CRLF2: variants seen among roughly 807,000 people sequenced by gnomAD.
CRLF2 encodes the protein cytokine receptor-like factor 2.
CRLF2 carries 41 observed loss-of-function variants against 38.7 expected under a neutral mutation model. That is an observed-to-expected ratio of 1.06 (90% CI 0.83 to 1.37). CRLF2 has a LOEUF of 1.37. Among genes scored for constraint, CRLF2 ranks in the 40% most tolerant of loss-of-function variants. CRLF2 has a pLI of 0.00. For missense variants in CRLF2, 377 were observed against 322.2 expected (o/e 1.17, Z -1.30); for synonymous variants, 140 against 128.8 (o/e 1.09, Z -0.59).
At chrX:1,211,256 G>GAT (rs1454583131) in intron 1 of CRLF2, among the ~76,000 whole-genome samples, 1 of 147,652 alleles carries the variant, frequency 6.8e-6, no homozygotes, top group East Asian at 2.0e-4. Flanking sequence ...TGGATGGATG[G>GAT]GTGGATGGAT....
chrX:1,192,216 A>AAAT (rs1318065074), intron 7 of CRLF2, among the ~76,000 whole-genome samples: 1 of 138,370 alleles, frequency 7.2e-6, no homozygotes, highest in Non-Finnish European at 1.6e-5. Context: ...AAAAAAAAAA[A>AAAT]AAAACAAAAA....
Position 1,204,988 on chromosome X carries a change from TTTTG to T in CRLF2, c.349+1441_349+1444del, listed in dbSNP as rs761640254. Among the ~76,000 whole-genome samples, 19 of 151,002 alleles carry T rather than the reference TTTTG, an allele frequency of 1.3e-4. 1 individual carries two copies. The highest frequency in any genetic ancestry group is 3.9e-4 in the African/African-American group (16 of 41,042). On this transcript the variant is annotated intron_variant, in intron 3 of 7. Transcript: ENST00000400841. ...GCATGCGCCACCAGCCCGGCTAATT[TTTTG>T]TTTGTTTGTTTGTTTGTAGAGATGG...
intron 5 of CRLF2, 60 bp from the exon 6 acceptor site, chrX:1,196,960 C>G: frequency 1.3e-6 from 2 of 1,518,268 alleles, no homozygotes; most frequent in Non-Finnish European, 1.8e-6. Flanking sequence ...TGTACGTTTT[C>G]AACGTGATGT....
chrX:1,196,661 A>C lies in CRLF2; in HGVS notation c.767+119T>G. 6 of 1,264,350 alleles carry C rather than the reference A, an allele frequency of 4.7e-6. No homozygotes were observed. The South Asian group carries it at 9.3e-5, about 20-fold the overall frequency. The allele number at this position is 1,264,350 out of a possible 1,614,324, so 78.3% of individuals were successfully genotyped here. ...ATAATCCACCATCAGAAGAGTGGGC[A>C]TTGTATGGAAACTGAGGCCCAGGGA... On this transcript the variant is annotated intron_variant, in intron 6 of 7. Transcript: ENST00000400841.
intron 6 of CRLF2, among the ~76,000 whole-genome samples, chrX:1,193,511 C>T (rs1462427274): frequency 6.6e-6 from 1 of 152,038 alleles, no homozygotes. Context: ...GGAGTGGTGG[C>T]TCACGCCTGT....
intron 4 of CRLF2, among the ~76,000 whole-genome samples, chrX:1,202,016 T>C (rs2086617301): frequency 6.6e-6 from 1 of 151,230 alleles, no homozygotes; most frequent in Non-Finnish European, 1.5e-5. Flanking sequence ...ATGAGATAGA[T>C]TGAAAGACAG....
intron 7 of CRLF2, among the ~76,000 whole-genome samples, chrX:1,192,752 CTTTCT>C (rs2086414468): frequency 9.3e-5 from 11 of 118,304 alleles, no homozygotes; most frequent in South Asian, 7.8e-4. Flanking sequence ...TTCTTTCTTT[CTTTCT>C]TTCTTTCTTT....
chrX:1,195,607 C>T, intron 6 of CRLF2, among the ~76,000 whole-genome samples: 1 of 148,020 alleles, frequency 6.8e-6, no homozygotes, highest in East Asian at 1.9e-4. Flanking sequence ...GACAGAGTTT[C>T]ACCCTTGTCG....
At chrX:1,211,299 A>G (rs180699424) in intron 1 of CRLF2, among the ~76,000 whole-genome samples, 1,122 of 75,740 alleles carry the variant, frequency 0.015, 26 homozygotes, top group African/African-American at 0.05. Flanking sequence ...ATAAGTGGAT[A>G]AAAGTGTGGG....
At position 1,200,692 on chromosome X, in the gene CRLF2, A is replaced by T. The variant is rs1380841118; in HGVS notation, c.483+1710T>A. On this transcript the variant is annotated intron_variant, in intron 4 of 7. Coordinates refer to ENST00000400841, the MANE Select transcript of CRLF2 (RefSeq NM_022148.4). ...GTGTATATAAGCTGTGTGTGTGTGTATATGTGTGTGTATATAAGATGTGTA... is the reference window on the plus strand; with the variant it reads ...GTGTATATAAGCTGTGTGTGTGTGTTTATGTGTGTGTATATAAGATGTGTA... Among the ~76,000 whole-genome samples, 5 of 148,364 alleles carry T rather than the reference A, an allele frequency of 3.4e-5. 1 individual carries two copies. Among genetic ancestry groups the T allele is most frequent in the Non-Finnish European group, 7.5e-5 (5 of 67,008 alleles).
At chrX:1,193,993 C>T (rs1195149620) in intron 6 of CRLF2, among the ~76,000 whole-genome samples, 5 of 150,978 alleles carry the variant, frequency 3.3e-5, no homozygotes, top group African/African-American at 9.7e-5. Flanking sequence ...GGCATGGTGG[C>T]GTCTGCCTGT....
At chrX:1,191,239 C>T (rs1461595095) in intron 7 of CRLF2, 79 bp from the exon 8 acceptor site, 2 of 398,748 alleles carry the variant, frequency 5.0e-6, no homozygotes, top group African/African-American at 4.1e-5. Context: ...AGACGGTACC[C>T]ACCACAGACA....
chrX:1,198,324 CCCTCCCTCCCACCTCGAAGGCAGGACAG>C (rs2086532906), intron 5 of CRLF2, among the ~76,000 whole-genome samples: 241 of 130,808 alleles, frequency 1.8e-3, no homozygotes, highest in Middle Eastern at 8.8e-3. Context: ...AGGCAGGACA[CCCTCCCTCCCACCTCGAAGGCAGGACAG>C]CCTCCCTCCC....
At chrX:1,196,473 A>G (rs2086477376) in intron 6 of CRLF2, among the ~76,000 whole-genome samples, 1 of 151,838 alleles carries the variant, frequency 6.6e-6, no homozygotes, top group Non-Finnish European at 1.5e-5. Flanking sequence ...GGCGTGAACC[A>G]CCGTGCCTGA....
At position 1,197,230 on chromosome X, in the gene CRLF2, T is replaced by C. The variant is rs1414792521; in HGVS notation, c.647-330A>G. On this transcript the variant is annotated intron_variant, in intron 5 of 7. Transcript: ENST00000400841. ...GTCTCAGCCTCCCGAGCAGCTGGGATGACAGGCATCCGCCACCACACCGGG... is the reference window on the plus strand; with the variant it reads ...GTCTCAGCCTCCCGAGCAGCTGGGACGACAGGCATCCGCCACCACACCGGG... Among the ~76,000 whole-genome samples the C allele has an allele frequency of 5.3e-5, 8 of 151,646 alleles. No homozygotes were observed. In the Admixed American group the frequency reaches 5.3e-4, roughly 10 times the overall value.
chrX:1,212,252 G>A (rs113901351), intron 1 of CRLF2, among the ~76,000 whole-genome samples: 63,980 of 151,252 alleles, frequency 0.42, 14,627 homozygotes, highest in African/African-American at 0.6. Context: ...TCAATAGATA[G>A]ACACACACAC....
chrX:1,191,309 C>CTTTCTTTCTTTCTTTCTT (rs2086370928), intron 7 of CRLF2, 149 bp from the exon 8 acceptor site: 1 of 356,038 alleles, frequency 2.8e-6, no homozygotes, highest in African/African-American at 2.7e-5. Context: ...TTCTTTCTTT[C>CTTTCTTTCTTTCTTTCTT]TTTCTTTCTT....
At chrX:1,199,136 G>C (rs758981098) in intron 4 of CRLF2, 1 of 251,150 alleles carries the variant, frequency 4.0e-6, no homozygotes, top group African/African-American at 2.2e-5. Flanking sequence ...GTGACAGAGC[G>C]GGACTGTGTC....
At chrX:1,209,120 A>C (rs1464320190) in intron 1 of CRLF2, among the ~76,000 whole-genome samples, 1 of 151,058 alleles carries the variant, frequency 6.6e-6, no homozygotes, top group Non-Finnish European at 1.5e-5. Flanking sequence ...GGCACCTGTC[A>C]CCACACCTGG....
Sources: allele counts gnomAD v4.1 joint callset (sites outside exome capture counted in the v4.1 genomes callset), GRCh38; gene constraint gnomAD v4.1.1; transcripts MANE v1.5; gene names NCBI Gene and HGNC (gene_info 2026-07-23, HGNC 2026-07-21).